The following PCDH7 variants were observed in gnomAD, a reference collection of about 807,000 sequenced individuals.
The protein encoded by PCDH7 is protocadherin-7.
In PCDH7, 17 loss-of-function variants were observed where a neutral mutation model predicts 58.9. That is an observed-to-expected ratio of 0.29 (90% CI 0.20 to 0.43). PCDH7 has a LOEUF of 0.43. Among genes scored for constraint, PCDH7 ranks in the 20% least tolerant of loss-of-function variants. The pLI, the probability that PCDH7 is intolerant of heterozygous loss-of-function variation, is 1.00. For missense variants in PCDH7, 1,274 were observed against 1,441.0 expected (o/e 0.88, Z 1.88); for synonymous variants, 664 against 616.4 (o/e 1.08, Z -1.14).
chr4:30,923,749 A>G (rs1743479053), intron 2 of PCDH7, among the ~76,000 whole-genome samples: 2 of 152,152 alleles, frequency 1.3e-5, no homozygotes, highest in South Asian at 2.1e-4. Context: ...GATTACTAAT[A>G]TATATTTCTT....
intron 3 of PCDH7, among the ~76,000 whole-genome samples, chr4:31,041,198 C>A (rs2109204335): frequency 6.6e-6 from 1 of 152,248 alleles, no homozygotes; most frequent in East Asian, 1.9e-4. Context: ...AAAGAAGGTG[C>A]AATATCCATT....
At chr4:30,909,426 A>G (rs765505098) in intron 1 of PCDH7, among the ~76,000 whole-genome samples, 1 of 152,202 alleles carries the variant, frequency 6.6e-6, no homozygotes, top group Non-Finnish European at 1.5e-5. Context: ...GTATATTTAG[A>G]AAACCCATCT....
intron 3 of PCDH7, among the ~76,000 whole-genome samples, chr4:30,965,751 C>T (rs1748938365): frequency 6.6e-6 from 1 of 151,994 alleles, no homozygotes; most frequent in African/African-American, 2.4e-5. Flanking sequence ...CTTCTCTGTT[C>T]TTGCATCTGT....
intron 3 of PCDH7, among the ~76,000 whole-genome samples, chr4:31,022,387 T>C (rs1033357703): frequency 6.6e-6 from 1 of 152,202 alleles, no homozygotes; most frequent in Non-Finnish European, 1.5e-5. Context: ...TCCTAGTGCT[T>C]AGTTTTATTG....
intron 3 of PCDH7, among the ~76,000 whole-genome samples, chr4:31,084,405 T>C (rs978030066): frequency 3.3e-5 from 5 of 152,096 alleles, no homozygotes; most frequent in African/African-American, 1.2e-4. Flanking sequence ...AGCTTTATTA[T>C]AGAAAAGTTA....
chr4:31,028,249 T>TAAGAATGTTCTTTTATTTAAAATCCCTG (rs1754608508), intron 3 of PCDH7, among the ~76,000 whole-genome samples: 1 of 152,150 alleles, frequency 6.6e-6, no homozygotes, highest in Non-Finnish European at 1.5e-5. Context: ...TAAGAGGATT[T>TAAGAATGTTCTTTTATTTAAAATCCCTG]AAGAATGTTC....
intron 1 of PCDH7, among the ~76,000 whole-genome samples, chr4:30,803,784 G>T (rs573241350): frequency 2.6e-5 from 4 of 152,264 alleles, no homozygotes; most frequent in Middle Eastern, 3.4e-3. Flanking sequence ...AGATTTAGAA[G>T]ACAGCTAGAA....
intron 3 of PCDH7, among the ~76,000 whole-genome samples, chr4:31,112,431 G>A (rs1414582019): frequency 2.0e-5 from 3 of 152,092 alleles, no homozygotes; most frequent in Non-Finnish European, 4.4e-5. Flanking sequence ...TATTAGGACA[G>A]CAAATTTATA....
chr4:31,097,862 TA>T (rs1281273281), intron 3 of PCDH7, among the ~76,000 whole-genome samples: 1 of 151,780 alleles, frequency 6.6e-6, no homozygotes, highest in Admixed American at 6.6e-5. Flanking sequence ...TCTTTTAAAA[TA>T]AGGCAGTTAA....
intron 1 of PCDH7, among the ~76,000 whole-genome samples, chr4:30,904,268 G>A (rs1439344896): frequency 6.6e-6 from 1 of 152,062 alleles, no homozygotes; most frequent in Non-Finnish European, 1.5e-5. Context: ...GGCCTCACTA[G>A]ACTAAAATCA....
chr4:31,054,988 TTTC>T (rs536871764), intron 3 of PCDH7, among the ~76,000 whole-genome samples: 49 of 152,314 alleles, frequency 3.2e-4, no homozygotes, highest in South Asian at 1.9e-3. Context: ...ATTGGCTTGC[TTTC>T]TTCTTCTTTT....
intron 1 of PCDH7, among the ~76,000 whole-genome samples, chr4:30,832,907 A>T (rs945175674): frequency 1.1e-4 from 17 of 152,292 alleles, no homozygotes; most frequent in African/African-American, 4.1e-4. Context: ...AGGTCGAAAT[A>T]CTCAGTGTAG....
intron 3 of PCDH7, among the ~76,000 whole-genome samples, chr4:31,029,793 T>C (rs2109183901): frequency 6.6e-6 from 1 of 152,202 alleles, no homozygotes; most frequent in Non-Finnish European, 1.5e-5. Context: ...ATGAAGCCCT[T>C]AGCTCTGGGT....
chr4:30,968,330 T>C (rs1340927578), intron 3 of PCDH7, among the ~76,000 whole-genome samples: 1 of 113,276 alleles, frequency 8.8e-6, no homozygotes, highest in African/African-American at 4.3e-5. Context: ...TATATATATA[T>C]ATACACACAC....
intron 2 of PCDH7, among the ~76,000 whole-genome samples, chr4:30,933,563 G>A (rs965495566): frequency 3.3e-5 from 5 of 152,152 alleles, no homozygotes; most frequent in Non-Finnish European, 7.4e-5. Context: ...AATATATAAA[G>A]GATTTTTTTC....
chr4:30,891,195 A>G (rs1224647828), intron 1 of PCDH7, among the ~76,000 whole-genome samples: 1 of 152,074 alleles, frequency 6.6e-6, no homozygotes, highest in African/African-American at 2.4e-5. Context: ...AAGTTAGTCT[A>G]ATTTAATGGT....
chr4:30,941,791 A>G (rs1330625542), intron 2 of PCDH7, among the ~76,000 whole-genome samples: 1 of 151,960 alleles, frequency 6.6e-6, no homozygotes, highest in Non-Finnish European at 1.5e-5. Flanking sequence ...AGCTATTCAG[A>G]CAGTCCTTTG....
intron 3 of PCDH7, among the ~76,000 whole-genome samples, chr4:31,110,486 A>T (rs1048434907): frequency 6.6e-6 from 1 of 152,216 alleles, no homozygotes; most frequent in Non-Finnish European, 1.5e-5. Flanking sequence ...TAAAATAAGG[A>T]ATTTTGCTAA....
At chr4:30,922,365 T>C (rs570468148) in intron 2 of PCDH7, among the ~76,000 whole-genome samples, 2 of 151,952 alleles carry the variant, frequency 1.3e-5, no homozygotes, top group Admixed American at 1.3e-4. Flanking sequence ...GAATGTACAA[T>C]TAAATCTTTA....
Sources: gnomAD v4.1 joint callset for allele counts (sites outside exome capture counted in the v4.1 genomes callset) on GRCh38, gnomAD v4.1.1 for gene constraint, MANE v1.5 for transcripts, NCBI Gene and HGNC (gene_info 2026-07-23, HGNC 2026-07-21) for gene names.